Variants in YTHDF1 observed in about 807,000 individuals in gnomAD.
YTHDF1 encodes the protein YTH N6-methyladenosine RNA binding protein F1.
In YTHDF1, 16 loss-of-function variants were observed where a neutral mutation model predicts 49.1. The ratio of observed to expected loss-of-function variants is 0.33; its 90% CI spans 0.22 to 0.49. The LOEUF (loss-of-function observed/expected upper bound fraction) is 0.49, where lower values mean the gene tolerates loss of function less well. Among genes scored for constraint, YTHDF1 ranks in the 20% least tolerant of loss-of-function variants. The pLI, the probability that YTHDF1 is intolerant of heterozygous loss-of-function variation, is 0.99. For missense variants in YTHDF1, 621 were observed against 744.3 expected, an observed-to-expected ratio of 0.83 and a Z score of 1.93; for synonymous variants, 313 against 290.1, an observed-to-expected ratio of 1.08 and a Z score of -0.80.
chr20:63,206,950 CGT>C (rs1364160319), intron 3 of YTHDF1, among the ~76,000 whole-genome samples: 1 of 152,216 alleles, frequency 6.6e-6, no homozygotes, highest in Non-Finnish European at 1.5e-5. Flanking sequence ...GGTCACAGTG[CGT>C]GGGAGACAAC....
intron 3 of YTHDF1, among the ~76,000 whole-genome samples, chr20:63,210,134 G>C (rs2066567058): frequency 6.6e-6 from 1 of 152,138 alleles, no homozygotes; most frequent in South Asian, 2.1e-4. Context: ...CAACATGGTA[G>C]CTCCAACGTC....
chr20:63,205,514 C>T (rs1244683765), intron 3 of YTHDF1, among the ~76,000 whole-genome samples: 2 of 140,046 alleles, frequency 1.4e-5, no homozygotes, highest in Non-Finnish European at 1.6e-5. Flanking sequence ...CAGAACCCCC[C>T]CCTTTTTTTT....
chr20:63,215,534 C>T, intron 2 of YTHDF1, 43 bp downstream of exon 2: 2 of 1,613,512 alleles, frequency 1.2e-6, no homozygotes, highest in Non-Finnish European at 1.7e-6. Context: ...TCCCCGTCCT[C>T]CTCCACTCCA....
In YTHDF1 at chr20:63,203,884, G is replaced by C; in HGVS notation, c.133-77C>G. 1 of 1,421,672 alleles carries C rather than the reference G, an allele frequency of 7.0e-7. No individual in the cohort carries two copies. Among genetic ancestry groups the C allele is most frequent in the Non-Finnish European group, 9.4e-7 (1 of 1,059,714 alleles). 88.1% of individuals were successfully genotyped at this position (1,421,672 alleles called of 1,614,324 possible). A position where few individuals can be genotyped will look rare whatever the true frequency, so the allele number is the denominator to read the frequency against. On this transcript the variant is annotated intron_variant, in intron 3 of 4. Coordinates refer to ENST00000370339, the MANE Select transcript of YTHDF1 (RefSeq NM_017798.4). The surrounding 1 kb of genome is among the most constrained non-coding windows in gnomAD (Gnocchi z 4.4). ...AGAATGCCAACCGCCTCTTGCTTAA[G>C]CACAGGTGGAGCAAAAACAAAACCT...
At chr20:63,198,712 T>G (rs1181027866) in intron 4 of YTHDF1, among the ~76,000 whole-genome samples, 2 of 152,172 alleles carry the variant, frequency 1.3e-5, no homozygotes, top group East Asian at 3.9e-4. Flanking sequence ...GCTTATGGCC[T>G]AAGATTCTCT....
chr20:63,201,285 G>C (rs1324003319), intron 4 of YTHDF1, among the ~76,000 whole-genome samples: 4 of 152,054 alleles, frequency 2.6e-5, no homozygotes. Flanking sequence ...AATACATTAG[G>C]ACACTTGGTG....
At chr20:63,201,222 C>T (rs186343000) in intron 4 of YTHDF1, among the ~76,000 whole-genome samples, 21 of 152,234 alleles carry the variant, frequency 1.4e-4, no homozygotes, top group African/African-American at 3.4e-4. Context: ...ACAGTGCAGG[C>T]GGCTCTACTC....
At chr20:63,198,327 C>T (rs971934058) in intron 4 of YTHDF1, among the ~76,000 whole-genome samples, 6 of 151,870 alleles carry the variant, frequency 4.0e-5, no homozygotes. Context: ...CGCCTGTAAT[C>T]CCAGCCACTC....
rs1442724746 is a variant in YTHDF1 at position 63,203,278 on chromosome 20, C to G, written c.662G>C (p.Gly221Ala). Residue 221 changes from glycine (G) to alanine (A), a missense_variant, in exon 4 of 5, where the codon GGG (glycine) becomes GCG (alanine). By Grantham distance (60) the Gly-to-Ala change is moderately conservative (BLOSUM62 0). This residue lies in a region of YTHDF1 where 470 missense variants were observed against 495.8 expected (regional missense o/e 0.95). Coordinates refer to ENST00000370339, the MANE Select transcript of YTHDF1 (RefSeq NM_017798.4). The surrounding 1 kb of genome is among the most constrained non-coding windows in gnomAD (Gnocchi z 4.4). ...TGAAACTGGCATGTTCACATTTGTC[C>G]CACCGTTGCCAGAAAGGACACCAGT... ...ALTGVLSGNG[G>A]TNVNMPVSKP... is the part of the protein sequence containing the mutation. The G allele has an allele frequency of 1.2e-6, 2 of 1,613,764 alleles. No homozygotes were observed. Among genetic ancestry groups the G allele is most frequent in the African/African-American group, 2.7e-5 (2 of 74,942 alleles).
intron 4 of YTHDF1, 137 bp from the exon 5 acceptor site, chr20:63,196,871 C>T (rs2066495015): frequency 1.1e-6 from 1 of 923,978 alleles, no homozygotes; most frequent in Admixed American, 2.3e-5. Context: ...CAAGCCACAC[C>T]AGCACACAAC....
In YTHDF1 at chr20:63,216,093, T is replaced by G. The variant is rs556799457; in HGVS notation, c.-201A>C. On this transcript the variant is annotated 5_prime_UTR_variant, in exon 1 of 5. Coordinates refer to ENST00000370339, the MANE Select transcript of YTHDF1 (RefSeq NM_017798.4). ...CGGTGAGCCCGGGACGCGGACGCAC[T>G]GAGGAGGCGTCGACTCCAATGGCGG... 63 of 218,634 alleles carry G rather than the reference T, an allele frequency of 2.9e-4. No individual in the cohort carries two copies. Among genetic ancestry groups the G allele is most frequent in the Non-Finnish European group, 4.3e-4 (56 of 130,286 alleles). 13.5% of individuals were successfully genotyped at this position (218,634 alleles called of 1,614,324 possible). A position where few individuals can be genotyped will look rare whatever the true frequency, so the allele number is the denominator to read the frequency against.
intron 3 of YTHDF1, among the ~76,000 whole-genome samples, chr20:63,210,649 G>C (rs1018461790): frequency 6.6e-6 from 1 of 151,976 alleles, no homozygotes; most frequent in African/African-American, 2.4e-5. Flanking sequence ...TTAGCCAGGC[G>C]TGGTGGCGCG....
At position 63,203,458 on chromosome 20, in the gene YTHDF1, G is replaced by GGC. The variant is rs2066529500; in HGVS notation, c.481_482insGC (p.Thr161SerfsTer21). The GGC allele has an allele frequency of 5.6e-6, 9 of 1,612,852 alleles. No homozygotes were observed. The highest frequency in any genetic ancestry group is 7.6e-6 in the Non-Finnish European group (9 of 1,179,686). On this transcript the variant is annotated frameshift_variant, in exon 4 of 5. Transcript: ENST00000370339. LOFTEE classifies it high-confidence loss of function. The surrounding 1 kb of genome is among the most constrained non-coding windows in gnomAD (Gnocchi z 4.4). ...AAAGCCTGGCTGCCCATCAACCACC[G>GGC]TGCCACCCAGGGAGCTCGGGGGGTA...
intron 4 of YTHDF1, among the ~76,000 whole-genome samples, chr20:63,197,861 ACCT>A (rs1052698025): frequency 6.6e-6 from 1 of 151,908 alleles, no homozygotes; most frequent in African/African-American, 2.4e-5. Context: ...TTAACCTGAA[ACCT>A]CCTCTTTTGC....
intron 4 of YTHDF1, among the ~76,000 whole-genome samples, chr20:63,198,634 CAAA>C (rs11478753): frequency 6.9e-6 from 1 of 144,472 alleles, no homozygotes; most frequent in African/African-American, 2.5e-5. Flanking sequence ...TAAAATTTCT[CAAA>C]AAAAAAAAAA....
Position 63,215,874 on chromosome 20 carries a change from C to G in YTHDF1, c.19G>C (p.Asp7His). 6.9e-7 allele frequency: 1 copy of G among 1,451,742 alleles called. No individual in the cohort carries two copies. The highest frequency in any genetic ancestry group is 9.1e-7 in the Non-Finnish European group (1 of 1,102,078). The allele number at this position is 1,451,742 out of a possible 1,614,324, so 89.9% of individuals were successfully genotyped here. Residue 7 changes from aspartate (D) to histidine (H), a missense_variant, in exon 1 of 5, where the codon GAC (aspartate) becomes CAC (histidine). Physicochemically the swap from Asp to His is moderately conservative, Grantham distance 81 (BLOSUM62 -1). Coordinates refer to ENST00000370339, the MANE Select transcript of YTHDF1 (RefSeq NM_017798.4). ...TAACCCGGCCCCGCTACCTGGGTGT[C>G]CACGCTGGTGGCCGACATGCTTCAT... MSATSV[D>H]TQRTKGQDNK...
chr20:63,213,891 C>T lies in YTHDF1; in HGVS notation c.105G>A (p.Glu35=). 6.3e-7 allele frequency: 1 copy of T among 1,589,054 alleles called. No homozygotes were observed. Among genetic ancestry groups the T allele is most frequent in the Non-Finnish European group, 8.5e-7 (1 of 1,173,246 alleles). The change falls in exon 3 of 5, where the codon GAG becomes GAA. Residue 35 remains glutamate, a synonymous_variant. Coordinates refer to ENST00000370339, the MANE Select transcript of YTHDF1 (RefSeq NM_017798.4). ...QKDTVHDNDF[E]PYLTGQSNQS... is the part of the protein sequence containing the mutation. ...GATTTGACTGTCCAGTAAGGTAGGGCTCAAAGTCATTGTCATGAACTGTAT... is the reference window on the plus strand; with the variant it reads ...GATTTGACTGTCCAGTAAGGTAGGGTTCAAAGTCATTGTCATGAACTGTAT...
At chr20:63,207,847 C>T (rs559972448) in intron 3 of YTHDF1, among the ~76,000 whole-genome samples, 6 of 152,054 alleles carry the variant, frequency 3.9e-5, no homozygotes, top group African/African-American at 1.4e-4. Flanking sequence ...TCTACTAAAC[C>T]GGGTATGGTG....
chr20:63,212,023 A>G (rs2066577030), intron 3 of YTHDF1, among the ~76,000 whole-genome samples: 1 of 151,454 alleles, frequency 6.6e-6, no homozygotes, highest in African/African-American at 2.4e-5. Flanking sequence ...AAGTGTACTG[A>G]TGCAACCTCC....
Sources: allele counts gnomAD v4.1 joint callset (sites outside exome capture counted in the v4.1 genomes callset), GRCh38; gene constraint gnomAD v4.1.1; regional missense constraint gnomAD v4.1.1; non-coding constraint Gnocchi (gnomAD v3.1); transcripts MANE v1.5; gene names NCBI Gene and HGNC (gene_info 2026-07-23, HGNC 2026-07-21).